CUX2: variants seen among roughly 807,000 people sequenced by gnomAD.
CUX2 encodes homeobox protein cut-like 2.
A neutral mutation model predicts 144.8 loss-of-function variants in CUX2; 40 were observed. The ratio of observed to expected loss-of-function variants is 0.28; its 90% CI spans 0.21 to 0.36. The LOEUF (loss-of-function observed/expected upper bound fraction) is 0.36. CUX2 is among the 10% of genes least tolerant of loss of function. The pLI is 1.00. For missense variants in CUX2, 1,615 were observed against 1,994.0 expected (o/e 0.81, Z 3.62); for synonymous variants, 827 against 875.6 (o/e 0.94, Z 0.98).
intron 1 of CUX2, among the ~76,000 whole-genome samples, chr12:111,108,952 C>A (rs1873775038): frequency 6.6e-6 from 1 of 152,160 alleles, no homozygotes; most frequent in Admixed American, 6.5e-5. Flanking sequence ...TTTGCCAAGA[C>A]CACATTGCAG....
chr12:111,218,030 C>T (rs1881644590), intron 3 of CUX2, 93 bp downstream of exon 3: 1 of 1,377,502 alleles, frequency 7.3e-7, no homozygotes, highest in Non-Finnish European at 1.0e-6. Flanking sequence ...CCAGCAGCCT[C>T]CAGAAGCTTT....
chr12:111,176,231 G>T (rs764480037), intron 1 of CUX2, among the ~76,000 whole-genome samples: 12 of 151,182 alleles, frequency 7.9e-5, no homozygotes, highest in Non-Finnish European at 1.5e-4. Context: ...TAATTTTGTA[G>T]AAACAGGGTC....
At chr12:111,105,327 G>C (rs1024854895) in intron 1 of CUX2, among the ~76,000 whole-genome samples, 2 of 152,242 alleles carry the variant, frequency 1.3e-5, no homozygotes, top group African/African-American at 4.8e-5. Context: ...CATGGCCTCG[G>C]GGGCCCGATG....
intron 1 of CUX2, among the ~76,000 whole-genome samples, chr12:111,172,563 G>C (rs1412152187): frequency 1.3e-5 from 2 of 152,242 alleles, no homozygotes; most frequent in Non-Finnish European, 2.9e-5. Flanking sequence ...GGGACTCCGG[G>C]AGGGTGGTTC....
chr12:111,145,328 G>GC (rs1481991624), intron 1 of CUX2, among the ~76,000 whole-genome samples: 8 of 152,198 alleles, frequency 5.3e-5, no homozygotes, highest in African/African-American at 1.7e-4. Flanking sequence ...TCAGCTGCAA[G>GC]TAACTGGAAA....
At chr12:111,346,502 C>T (rs910965347) in intron 21 of CUX2, among the ~76,000 whole-genome samples, 8 of 151,558 alleles carry the variant, frequency 5.3e-5, no homozygotes, top group South Asian at 4.2e-4. Context: ...AAAAGAAAAC[C>T]GCAAAAAGTG....
At chr12:111,269,917 G>A (rs112296800) in intron 4 of CUX2, among the ~76,000 whole-genome samples, 2 of 152,168 alleles carry the variant, frequency 1.3e-5, no homozygotes, top group African/African-American at 2.4e-5. Context: ...AGCTGTCACC[G>A]ACTTAGAGAA....
At chr12:111,321,279 C>T (rs1887514600) in intron 17 of CUX2, among the ~76,000 whole-genome samples, 4 of 152,086 alleles carry the variant, frequency 2.6e-5, no homozygotes, top group African/African-American at 7.2e-5. Flanking sequence ...CCATCCTGGC[C>T]AACATGGTGA....
At chr12:111,087,644 T>A (rs931690828) in intron 1 of CUX2, among the ~76,000 whole-genome samples, 16 of 152,190 alleles carry the variant, frequency 1.1e-4, no homozygotes, top group Non-Finnish European at 2.9e-5. Flanking sequence ...GTTTGTTCAG[T>A]CATTTTGTTT....
intron 4 of CUX2, among the ~76,000 whole-genome samples, chr12:111,265,237 T>C (rs1248024594): frequency 2.0e-5 from 3 of 152,130 alleles, no homozygotes; most frequent in Non-Finnish European, 4.4e-5. Flanking sequence ...TTTGAGAACA[T>C]TTGGTTGTAC....
chr12:111,143,275 A>G (rs982032141), intron 1 of CUX2, among the ~76,000 whole-genome samples: 18 of 152,164 alleles, frequency 1.2e-4, no homozygotes, highest in African/African-American at 4.1e-4. Flanking sequence ...CCCTTCTCCC[A>G]CAAGTGCCTT....
In CUX2 at chr12:111,186,865, A is replaced by G. The variant is rs1592816806; in HGVS notation, c.64-27335A>G. ...GCAATCTCAGCTCATTGCAACCTCC[A>G]CCTCCTGGGTTCGAGTGATTCTCCT... On this transcript the variant is annotated intron_variant, in intron 1 of 21. Coordinates refer to ENST00000261726, the MANE Select transcript of CUX2 (RefSeq NM_015267.4). This position sits in a 1 kb window ranked among gnomAD's most constrained non-coding sequence, Gnocchi z 4.4. 6.7e-6 allele frequency among the ~76,000 whole-genome samples: 1 copy of G among 148,208 alleles called. No individual in the cohort carries two copies.
intron 1 of CUX2, among the ~76,000 whole-genome samples, chr12:111,107,932 C>T (rs1873707433): frequency 1.3e-5 from 2 of 152,180 alleles, no homozygotes; most frequent in African/African-American, 4.8e-5. Context: ...GGCTGAAACA[C>T]CATTACATAA....
At chr12:111,332,429 G>A (rs929880315) in intron 18 of CUX2, among the ~76,000 whole-genome samples, 6 of 151,946 alleles carry the variant, frequency 3.9e-5, no homozygotes, top group South Asian at 2.1e-4. Flanking sequence ...CACTGCACCC[G>A]GCCCCAATCT....
intron 1 of CUX2, among the ~76,000 whole-genome samples, chr12:111,158,943 C>T (rs929607098): frequency 6.6e-6 from 1 of 152,142 alleles, no homozygotes; most frequent in Non-Finnish European, 1.5e-5. Context: ...AAACTTATTT[C>T]CTTCATGGAC....
chr12:111,054,812 A>G (rs1272804118), intron 1 of CUX2, among the ~76,000 whole-genome samples: 2 of 152,144 alleles, frequency 1.3e-5, no homozygotes, highest in East Asian at 3.8e-4. Flanking sequence ...TTTTTAGTAG[A>G]GACGAAGTTT....
intron 1 of CUX2, among the ~76,000 whole-genome samples, chr12:111,111,653 C>T (rs1023614804): frequency 1.3e-5 from 2 of 152,094 alleles, no homozygotes; most frequent in Non-Finnish European, 2.9e-5. Context: ...TTTAATAGGC[C>T]CGGGGGTACT....
chr12:111,289,910 C>T lies in CUX2; in HGVS notation c.302-1508C>T, dbSNP rs1885582188. ...CAGCTGCCTGGGAGCATCTAGACCC[C>T]CACATAGCCTACAGAAGTGCTGGCC... is the stretch of plus-strand genomic sequence containing the variant. On this transcript the variant is annotated intron_variant, in intron 4 of 21. Transcript: ENST00000261726. This position sits in a 1 kb window ranked among gnomAD's most constrained non-coding sequence, Gnocchi z 4.1. Among the ~76,000 whole-genome samples the T allele has an allele frequency of 6.6e-6, 1 of 152,188 alleles. No homozygotes were observed. Among genetic ancestry groups the T allele is most frequent in the Admixed American group, 6.5e-5 (1 of 15,274 alleles).
chr12:111,304,210 C>G lies in CUX2; in HGVS notation c.754C>G (p.Arg252Gly). 1 of 1,611,852 alleles carries G rather than the reference C, an allele frequency of 6.2e-7. No homozygotes were observed. Among genetic ancestry groups the G allele is most frequent in the Non-Finnish European group, 8.5e-7 (1 of 1,179,016 alleles). ...GCCCACACTGTCCCCTTCTCCCCAGCGAGCTGAGGCTGCCCAGCGGGAGGT... is the reference window on the plus strand; with the variant it reads ...GCCCACACTGTCCCCTTCTCCCCAGGGAGCTGAGGCTGCCCAGCGGGAGGT... ...IMTNLEKANQ[R>G]AEAAQREVES... The change falls in exon 10 of 22, where the codon CGA becomes GGA. Residue 252 changes from arginine to glycine, a missense_variant and splice_region_variant. By Grantham distance (125) the Arg-to-Gly change is moderately radical. This residue lies in a region of CUX2 where 295 missense variants were observed against 400.2 expected (regional missense o/e 0.74). Coordinates refer to ENST00000261726, the MANE Select transcript of CUX2 (RefSeq NM_015267.4). The surrounding 1 kb of genome is among the most constrained non-coding windows in gnomAD (Gnocchi z 4.7).
Sources: gnomAD v4.1 joint callset for allele counts (sites outside exome capture counted in the v4.1 genomes callset) on GRCh38, gnomAD v4.1.1 for gene constraint, gnomAD v4.1.1 regional missense constraint, Gnocchi (gnomAD v3.1) non-coding constraint, MANE v1.5 for transcripts, NCBI Gene and HGNC (gene_info 2026-07-23, HGNC 2026-07-21) for gene names.